The following FAT3 variants were observed in gnomAD, a reference collection of about 807,000 sequenced individuals.
The protein encoded by FAT3 is FAT atypical cadherin 3.
FAT3 carries 95 observed loss-of-function variants against 310.2 expected under a neutral mutation model. That is an observed-to-expected ratio of 0.31 (90% CI 0.26 to 0.36). The LOEUF (loss-of-function observed/expected upper bound fraction) is 0.36. FAT3 is among the 10% of genes least tolerant of loss of function. FAT3 has a pLI of 1.00. For synonymous variants in FAT3, 2,314 were observed against 2,192.9 expected, an observed-to-expected ratio of 1.06 and a Z score of -1.54; for missense variants, 5,408 against 5,715.6, an observed-to-expected ratio of 0.95 and a Z score of 1.74.
chr11:92,330,633 T>C (rs1947892384), intron 1 of FAT3, among the ~76,000 whole-genome samples: 1 of 152,192 alleles, frequency 6.6e-6, no homozygotes, highest in Admixed American at 6.5e-5. Flanking sequence ...TTCAGCTGTA[T>C]TGCGTGGGTT....
At chr11:92,780,085 C>T (rs1217463508) in intron 7 of FAT3, among the ~76,000 whole-genome samples, 1 of 151,870 alleles carries the variant, frequency 6.6e-6, no homozygotes, top group Admixed American at 6.6e-5. Context: ...CCCTTGATTT[C>T]GGCCTTGAGT....
Position 92,537,198 on chromosome 11 carries a change from G to A in FAT3, c.3607+12250G>A, listed in dbSNP as rs1449834695. ...GAAATGACATTTATTTGCCATTGAG[G>A]GCCCTGAGACCGTCTCTATCTCTGA... On this transcript the variant is annotated intron_variant, in intron 3 of 27. Transcript: ENST00000525166. Among the ~76,000 whole-genome samples, 4 of 152,206 alleles carry A rather than the reference G, an allele frequency of 2.6e-5. No homozygotes were observed. The East Asian group carries it at 7.7e-4, about 29-fold the overall frequency.
chr11:92,462,356 C>G (rs1050048614), intron 2 of FAT3, among the ~76,000 whole-genome samples: 1 of 152,062 alleles, frequency 6.6e-6, no homozygotes, highest in African/African-American at 2.4e-5. Flanking sequence ...TGGTATCTAT[C>G]GTTCCCTTCT....
chr11:92,797,322 G>A (rs553270519), intron 9 of FAT3, among the ~76,000 whole-genome samples: 6 of 152,272 alleles, frequency 3.9e-5, no homozygotes, highest in African/African-American at 9.6e-5. Context: ...TCCATGTAGC[G>A]AAGTTTGCTT....
intron 3 of FAT3, among the ~76,000 whole-genome samples, chr11:92,528,140 C>T (rs1953935534): frequency 6.6e-6 from 1 of 152,176 alleles, no homozygotes; most frequent in Non-Finnish European, 1.5e-5. Context: ...AACATCTGTT[C>T]TCTACACAAA....
chr11:92,817,454 T>C (rs1265534242), intron 13 of FAT3, among the ~76,000 whole-genome samples: 1 of 152,220 alleles, frequency 6.6e-6, no homozygotes, highest in Non-Finnish European at 1.5e-5. Context: ...AGAGCTTCCC[T>C]GTTTTGCCCC....
chr11:92,568,536 A>T (rs78921936), intron 3 of FAT3, among the ~76,000 whole-genome samples: 1,853 of 152,272 alleles, frequency 0.012, 44 homozygotes, highest in African/African-American at 0.042. Flanking sequence ...AGTACACAAA[A>T]CTGTAAGAAA....
chr11:92,425,529 C>A (rs1211548686), intron 2 of FAT3, among the ~76,000 whole-genome samples: 1 of 151,910 alleles, frequency 6.6e-6, no homozygotes, highest in Non-Finnish European at 1.5e-5. Context: ...TAATGCTATC[C>A]CTCCCCTTGC....
At chr11:92,431,203 C>G (rs1424788851) in intron 2 of FAT3, among the ~76,000 whole-genome samples, 13 of 152,214 alleles carry the variant, frequency 8.5e-5, no homozygotes, top group Non-Finnish European at 1.6e-4. Flanking sequence ...GATTGTCATT[C>G]TAACTGGTGT....
chr11:92,600,703 T>G (rs1591506072), intron 3 of FAT3, among the ~76,000 whole-genome samples: 1 of 151,964 alleles, frequency 6.6e-6, no homozygotes, highest in Admixed American at 6.6e-5. Context: ...GGTAGTAAGA[T>G]CATAGACAAG....
chr11:92,745,121 A>G (rs897608146), intron 4 of FAT3, among the ~76,000 whole-genome samples: 2 of 152,328 alleles, frequency 1.3e-5, no homozygotes, highest in African/African-American at 4.8e-5. Flanking sequence ...GAATCTGCCA[A>G]GACAAAAGTA....
At chr11:92,272,680 G>C (rs960296398) in intron 1 of FAT3, among the ~76,000 whole-genome samples, 2 of 151,926 alleles carry the variant, frequency 1.3e-5, no homozygotes, top group African/African-American at 4.8e-5. Flanking sequence ...GAGAACATGG[G>C]GTGTGGGGTG....
At chr11:92,771,166 T>C (rs1946446157) in intron 6 of FAT3, among the ~76,000 whole-genome samples, 1 of 152,160 alleles carries the variant, frequency 6.6e-6, no homozygotes, top group African/African-American at 2.4e-5. Context: ...TCCCCACCTT[T>C]TGTTGAGCCT....
In FAT3 at chr11:92,439,342, T is replaced by C. The variant is rs567495355; in HGVS notation, c.3292+83938T>C. Among the ~76,000 whole-genome samples the C allele has an allele frequency of 3.9e-5, 6 of 152,320 alleles. No individual in the cohort carries two copies. In the South Asian group the frequency reaches 1.2e-3, roughly 32 times the overall value. Reference sequence around the variant, plus strand: ...GTCTTATTAGGTACACTTACTTTCATATTCCACAATATGAAAGCCAGAACT... The same window carrying C: ...GTCTTATTAGGTACACTTACTTTCACATTCCACAATATGAAAGCCAGAACT... On this transcript the variant is annotated intron_variant, in intron 2 of 27. Transcript: ENST00000525166.
rs993454899 is a variant in FAT3, at chr11:92,567,649, A to G, written c.3607+42701A>G. On this transcript the variant is annotated intron_variant, in intron 3 of 27. Transcript: ENST00000525166. ...TTGGAACCAACCTAAATGTCCAACAATGATAGACTGGATTAAGAAAATGTG... is the reference window on the plus strand; with the variant it reads ...TTGGAACCAACCTAAATGTCCAACAGTGATAGACTGGATTAAGAAAATGTG... Among the ~76,000 whole-genome samples, 12 of 152,148 alleles carry G rather than the reference A, an allele frequency of 7.9e-5. No homozygotes were observed. In the South Asian group the frequency reaches 1.0e-3, roughly 13 times the overall value.
At chr11:92,647,804 A>C (rs1382788592) in intron 3 of FAT3, among the ~76,000 whole-genome samples, 1 of 152,114 alleles carries the variant, frequency 6.6e-6, no homozygotes, top group Non-Finnish European at 1.5e-5. Context: ...AACAGTAGAC[A>C]TTTGCTTCAT....
At chr11:92,515,095 CT>C (rs1325767499) in intron 2 of FAT3, among the ~76,000 whole-genome samples, 1 of 152,056 alleles carries the variant, frequency 6.6e-6, no homozygotes, top group East Asian at 1.9e-4. Flanking sequence ...ATAAACTAGC[CT>C]ACTGCTGAAT....
intron 4 of FAT3, among the ~76,000 whole-genome samples, chr11:92,746,520 C>T (rs955667438): frequency 1.3e-5 from 2 of 152,144 alleles, no homozygotes; most frequent in Admixed American, 6.5e-5. Context: ...CATATCATTC[C>T]ACTTCTGGGC....
chr11:92,258,626 G>A (rs1217378620), intron 1 of FAT3, among the ~76,000 whole-genome samples: 1 of 151,064 alleles, frequency 6.6e-6, no homozygotes, highest in Non-Finnish European at 1.5e-5. Flanking sequence ...AAGATTCCTG[G>A]ATGTTAGGAA....
Sources: allele counts gnomAD v4.1 joint callset (sites outside exome capture counted in the v4.1 genomes callset), GRCh38; gene constraint gnomAD v4.1.1; transcripts MANE v1.5; gene names NCBI Gene and HGNC (gene_info 2026-07-23, HGNC 2026-07-21).